Variants in NKAIN3 observed in about 807,000 individuals in gnomAD.
NKAIN3 encodes sodium/potassium-transporting ATPase subunit beta-1-interacting protein 3.
NKAIN3 carries 25 observed loss-of-function variants against 30.2 expected under a neutral mutation model. The ratio of observed to expected loss-of-function variants is 0.83; its 90% CI spans 0.60 to 1.16. The LOEUF is 1.16. Ranked by LOEUF, NKAIN3 falls within the 50% of genes most tolerant of loss-of-function variation. The probability of loss-of-function intolerance (pLI) is 0.00; values close to 1 mark genes in which losing one functional copy is unlikely to be tolerated. For synonymous variants in NKAIN3, 91 were observed against 89.6 expected (o/e 1.02, Z -0.09); for missense variants, 225 against 254.1 (o/e 0.89, Z 0.78).
chr8:62,614,796 C>T (rs1811398696), intron 3 of NKAIN3, among the ~76,000 whole-genome samples: 1 of 142,142 alleles, frequency 7.0e-6, no homozygotes, highest in Non-Finnish European at 1.5e-5. Context: ...ACCACAGACC[C>T]ATGGGGAGTA....
chr8:62,558,172 C>T (rs1319695491), intron 1 of NKAIN3, among the ~76,000 whole-genome samples: 1 of 152,054 alleles, frequency 6.6e-6, no homozygotes, highest in Admixed American at 6.6e-5. Flanking sequence ...GGTGTCCTTT[C>T]CCCACTTTAT....
At chr8:62,462,024 A>T (rs986507776) in intron 1 of NKAIN3, among the ~76,000 whole-genome samples, 1 of 152,330 alleles carries the variant, frequency 6.6e-6, no homozygotes, top group East Asian at 1.9e-4. Context: ...TATAATGGAC[A>T]CATTATAATT....
At chr8:62,683,951 G>C (rs892165245) in intron 3 of NKAIN3, among the ~76,000 whole-genome samples, 8 of 152,126 alleles carry the variant, frequency 5.3e-5, no homozygotes, top group African/African-American at 1.9e-4. Flanking sequence ...ACTAGTCAAG[G>C]CTCATTCTTA....
chr8:62,442,322 C>A (rs13257799), intron 1 of NKAIN3, among the ~76,000 whole-genome samples: 63,911 of 151,614 alleles, frequency 0.42, 15,306 homozygotes, highest in Non-Finnish European at 0.53. Context: ...CTAGTTTTGG[C>A]ATTTTATATT....
chr8:62,786,727 A>C (rs1478303627), intron 4 of NKAIN3, among the ~76,000 whole-genome samples: 2 of 152,204 alleles, frequency 1.3e-5, no homozygotes, highest in African/African-American at 4.8e-5. Context: ...TGAACTAAAA[A>C]AAGCAACATA....
At chr8:62,698,549 T>C (rs1814235194) in intron 3 of NKAIN3, among the ~76,000 whole-genome samples, 1 of 152,208 alleles carries the variant, frequency 6.6e-6, no homozygotes, top group African/African-American at 2.4e-5. Context: ...TTTTTGAGGC[T>C]ATGTTAATGA....
chr8:62,533,152 A>C (rs1178420131), intron 1 of NKAIN3, among the ~76,000 whole-genome samples: 3 of 152,182 alleles, frequency 2.0e-5, no homozygotes, highest in African/African-American at 7.2e-5. Flanking sequence ...GAAAACAGGA[A>C]ATGAAGGAGT....
chr8:62,385,988 G>A (rs1390289707), intron 1 of NKAIN3, among the ~76,000 whole-genome samples: 1 of 152,160 alleles, frequency 6.6e-6, no homozygotes, highest in African/African-American at 2.4e-5. Context: ...TTTCCTCTAC[G>A]TTGCCTCTCC....
At chr8:62,514,491 C>T (rs1807920176) in intron 1 of NKAIN3, among the ~76,000 whole-genome samples, 1 of 152,134 alleles carries the variant, frequency 6.6e-6, no homozygotes, top group South Asian at 2.1e-4. Context: ...TATATTTCCT[C>T]ACTTTTCACA....
intron 1 of NKAIN3, among the ~76,000 whole-genome samples, chr8:62,349,295 G>T (rs571813757): frequency 6.6e-6 from 1 of 152,244 alleles, no homozygotes; most frequent in Admixed American, 6.5e-5. Context: ...ATTAGAGCAA[G>T]CTGCCTTGTT....
At chr8:62,634,251 G>A (rs1487964122) in intron 3 of NKAIN3, among the ~76,000 whole-genome samples, 1 of 151,794 alleles carries the variant, frequency 6.6e-6, no homozygotes, top group African/African-American at 2.4e-5. Context: ...CACTTCATCT[G>A]GACAATGAGA....
intron 1 of NKAIN3, among the ~76,000 whole-genome samples, chr8:62,460,937 G>A (rs954144597): frequency 2.0e-5 from 3 of 152,196 alleles, no homozygotes; most frequent in Non-Finnish European, 2.9e-5. Context: ...GGAATGAATT[G>A]TCCGTAGGAG....
chr8:62,420,900 G>A (rs1804617938), intron 1 of NKAIN3, among the ~76,000 whole-genome samples: 1 of 152,004 alleles, frequency 6.6e-6, no homozygotes, highest in Non-Finnish European at 1.5e-5. Context: ...ACTTTTTATA[G>A]AACAGAGCCC....
At chr8:62,310,271 T>C (rs1268995154) in intron 1 of NKAIN3, among the ~76,000 whole-genome samples, 1 of 150,504 alleles carries the variant, frequency 6.6e-6, no homozygotes, top group African/African-American at 2.5e-5. Flanking sequence ...AAGTTATTAC[T>C]ATAGAAATGA....
chr8:62,294,583 T>TATCACCC (rs1407195061), intron 1 of NKAIN3, among the ~76,000 whole-genome samples: 2 of 152,204 alleles, frequency 1.3e-5, no homozygotes, highest in African/African-American at 4.8e-5. Flanking sequence ...AGCCTTACTC[T>TATCACCC]ATCACCCAGA....
intron 1 of NKAIN3, among the ~76,000 whole-genome samples, chr8:62,562,194 G>A (rs1376549390): frequency 2.0e-5 from 3 of 152,074 alleles, no homozygotes; most frequent in Non-Finnish European, 4.4e-5. Flanking sequence ...AAATTAAGAG[G>A]CTAATCAAAC....
At chr8:62,350,185 T>A (rs1816137087) in intron 1 of NKAIN3, among the ~76,000 whole-genome samples, 1 of 152,166 alleles carries the variant, frequency 6.6e-6, no homozygotes, top group African/African-American at 2.4e-5. Flanking sequence ...AGCAGCATTA[T>A]TCACAATAGC....
intron 3 of NKAIN3, among the ~76,000 whole-genome samples, chr8:62,637,401 T>C (rs1332641035): frequency 6.6e-6 from 1 of 152,158 alleles, no homozygotes; most frequent in African/African-American, 2.4e-5. Context: ...GCCCCGCAAG[T>C]AAACTGCAGT....
At chr8:62,892,011 G>C (rs1354139707) in intron 4 of NKAIN3, among the ~76,000 whole-genome samples, 1 of 152,156 alleles carries the variant, frequency 6.6e-6, no homozygotes, top group East Asian at 1.9e-4. Context: ...GATTAGAATT[G>C]GTAGCAATGG....
Sources: allele counts gnomAD v4.1 joint callset (sites outside exome capture counted in the v4.1 genomes callset), GRCh38; gene constraint gnomAD v4.1.1; transcripts MANE v1.5; gene names NCBI Gene and HGNC (gene_info 2026-07-23, HGNC 2026-07-21).